SNX4: variants seen among roughly 807,000 people sequenced by gnomAD.
SNX4 encodes sorting nexin-4.
In SNX4, 49 loss-of-function variants were observed where a neutral mutation model predicts 70.8. The observed-to-expected ratio is 0.69, with a 90% CI of 0.55 to 0.88. The LOEUF (loss-of-function observed/expected upper bound fraction) is 0.88. SNX4 is among the 40% of genes least tolerant of loss of function. SNX4 has a pLI of 0.00. For synonymous variants in SNX4, 206 were observed against 183.8 expected (o/e 1.12, Z -0.98); for missense variants, 528 against 544.8 (o/e 0.97, Z 0.31).
intron 9 of SNX4, among the ~76,000 whole-genome samples, chr3:125,462,473 C>T (rs911420126): frequency 6.6e-6 from 1 of 151,506 alleles, no homozygotes; most frequent in East Asian, 1.9e-4. Context: ...GCCTATAGTC[C>T]CAGGTGCTCA....
At chr3:125,514,027 C>CTT (rs1935222933) in intron 1 of SNX4, among the ~76,000 whole-genome samples, 1 of 145,572 alleles carries the variant, frequency 6.9e-6, no homozygotes, top group Admixed American at 7.4e-5. Context: ...AAAAAGGAGA[C>CTT]TTCTGGATTT....
intron 10 of SNX4, among the ~76,000 whole-genome samples, chr3:125,459,810 C>T (rs112507432): frequency 6.6e-5 from 10 of 152,180 alleles, no homozygotes; most frequent in South Asian, 4.2e-4. Flanking sequence ...AGAAGGAAAA[C>T]GAGCTAACAA....
chr3:125,462,999 AG>A (rs1193160724), intron 9 of SNX4, among the ~76,000 whole-genome samples: 1 of 152,238 alleles, frequency 6.6e-6, no homozygotes. Flanking sequence ...CCATAAGGAC[AG>A]GGGCTATGTG....
chr3:125,507,849 G>A (rs1935082927), intron 1 of SNX4, among the ~76,000 whole-genome samples: 1 of 152,052 alleles, frequency 6.6e-6, no homozygotes, highest in Non-Finnish European at 1.5e-5. Context: ...AGAGGCGGAG[G>A]TTGCAGTGAG....
chr3:125,504,020 G>A (rs1934987004), intron 2 of SNX4, among the ~76,000 whole-genome samples: 1 of 151,852 alleles, frequency 6.6e-6, no homozygotes, highest in African/African-American at 2.4e-5. Flanking sequence ...AACAGAGTGA[G>A]ACCCCATCTC....
At chr3:125,494,752 G>A (rs564904118) in intron 5 of SNX4, among the ~76,000 whole-genome samples, 120 of 152,286 alleles carry the variant, frequency 7.9e-4, no homozygotes, top group Middle Eastern at 3.4e-3. Flanking sequence ...TGAATTAAGA[G>A]TGCACAAGCA....
chr3:125,457,808 C>G (rs9843422), intron 10 of SNX4, among the ~76,000 whole-genome samples: 26,740 of 151,820 alleles, frequency 0.18, 2,667 homozygotes, highest in African/African-American at 0.27. Context: ...AACTGCTGAC[C>G]TGAGGTGACC....
chr3:125,513,818 C>T lies in SNX4; in HGVS notation c.141+6214G>A, dbSNP rs549020327. ...AATGTTGTGTTTACTAATAGTGATG[C>T]TTACTTCAAGCAGTAAATAACTTAG... On this transcript the variant is annotated intron_variant, in intron 1 of 13. Coordinates refer to ENST00000251775, the MANE Select transcript of SNX4 (RefSeq NM_003794.4). Among the ~76,000 whole-genome samples, 4 of 115,922 alleles carry T rather than the reference C, an allele frequency of 3.5e-5. No individual in the cohort carries two copies. The South Asian group carries it at 1.1e-3, about 33-fold the overall frequency. The allele number at this position is 115,922 out of a possible 152,430, so 76.0% of individuals were successfully genotyped here.
chr3:125,507,196 A>G (rs1447967280), intron 1 of SNX4, among the ~76,000 whole-genome samples: 53 of 150,802 alleles, frequency 3.5e-4, no homozygotes, highest in African/African-American at 1.3e-3. Flanking sequence ...TGATAGAAAA[A>G]AAAAAAAAAA....
At chr3:125,494,345 A>G (rs1246196547) in intron 5 of SNX4, among the ~76,000 whole-genome samples, 2 of 152,198 alleles carry the variant, frequency 1.3e-5, no homozygotes, top group Non-Finnish European at 2.9e-5. Flanking sequence ...ACTTGGATTC[A>G]GCCTCTATCA....
intron 10 of SNX4, among the ~76,000 whole-genome samples, chr3:125,460,356 G>T (rs890178134): frequency 1.3e-5 from 2 of 152,164 alleles, no homozygotes; most frequent in African/African-American, 2.4e-5. Context: ...CTCTGTAAAA[G>T]ATAACATAAG....
At chr3:125,457,959 A>C (rs769264212) in intron 10 of SNX4, among the ~76,000 whole-genome samples, 22 of 152,056 alleles carry the variant, frequency 1.4e-4, no homozygotes, top group Non-Finnish European at 3.2e-4. Flanking sequence ...TGCCATTATC[A>C]CATACATAAA....
intron 1 of SNX4, among the ~76,000 whole-genome samples, chr3:125,513,222 C>T (rs570464829): frequency 1.3e-5 from 2 of 152,274 alleles, no homozygotes; most frequent in Admixed American, 1.3e-4. Flanking sequence ...CTCCTCCTTC[C>T]ACCATGTGAG....
chr3:125,448,979 G>C (rs1490224864), intron 13 of SNX4: 1 of 151,524 alleles, frequency 6.6e-6, no homozygotes, highest in African/African-American at 2.4e-5. Context: ...ACCCGGCAAG[G>C]GTTTTTTTCA....
intron 1 of SNX4, among the ~76,000 whole-genome samples, chr3:125,519,684 C>T (rs4679401): frequency 0.074 from 11,303 of 152,104 alleles, 490 homozygotes; most frequent in Non-Finnish European, 0.099. Context: ...CTCCCAGCTA[C>T]GCGACCACTG....
intron 5 of SNX4, among the ~76,000 whole-genome samples, chr3:125,493,755 G>T (rs1247743870): frequency 6.6e-6 from 1 of 151,768 alleles, no homozygotes; most frequent in Admixed American, 6.6e-5. Context: ...TGCCAGCCAG[G>T]CAACAGTGGC....
intron 6 of SNX4, among the ~76,000 whole-genome samples, chr3:125,484,739 C>T (rs980616222): frequency 4.6e-5 from 7 of 152,016 alleles, no homozygotes; most frequent in Non-Finnish European, 1.0e-4. Context: ...CATATGTAAT[C>T]CCAGCACTTT....
intron 10 of SNX4, among the ~76,000 whole-genome samples, chr3:125,458,805 A>C (rs1933795781): frequency 1.8e-5 from 2 of 113,070 alleles, no homozygotes; most frequent in Non-Finnish European, 3.4e-5. Flanking sequence ...AAAGAGCGAG[A>C]CTCCGTCTCA....
At chr3:125,503,028 T>C (rs1272245365) in intron 2 of SNX4, among the ~76,000 whole-genome samples, 1 of 151,602 alleles carries the variant, frequency 6.6e-6, no homozygotes, top group South Asian at 2.1e-4. Flanking sequence ...CAAGTGATTC[T>C]CCTGCCTCAG....
Sources: gnomAD v4.1 joint callset for allele counts (sites outside exome capture counted in the v4.1 genomes callset) on GRCh38, gnomAD v4.1.1 for gene constraint, MANE v1.5 for transcripts, NCBI Gene and HGNC (gene_info 2026-07-23, HGNC 2026-07-21) for gene names.